The following ATRN variants were observed in gnomAD, a reference collection of about 807,000 sequenced individuals.
ATRN encodes attractin-2.
ATRN carries 54 observed loss-of-function variants against 178.7 expected under a neutral mutation model. The observed-to-expected ratio is 0.30, with a 90% confidence interval of 0.24 to 0.38. The LOEUF is 0.38. Ranked by LOEUF, ATRN falls within the 10% of genes least tolerant of loss-of-function variation. The pLI is 1.00. For synonymous variants in ATRN, 636 were observed against 663.0 expected, an observed-to-expected ratio of 0.96 and a Z score of 0.63; for missense variants, 1,443 against 1,815.1, an observed-to-expected ratio of 0.79 and a Z score of 3.73.
intron 28 of ATRN, among the ~76,000 whole-genome samples, 157 bp downstream of exon 28, chr20:3,644,425 C>T (rs755302612): frequency 4.3e-4 from 66 of 152,250 alleles, no homozygotes; most frequent in Non-Finnish European, 6.9e-4. Flanking sequence ...CCATTTTCAC[C>T]TATATGCCCA....
intron 1 of ATRN, among the ~76,000 whole-genome samples, chr20:3,474,689 A>G (rs1196231995): frequency 1.3e-5 from 2 of 150,944 alleles, no homozygotes; most frequent in Non-Finnish European, 2.9e-5. Context: ...CCTGGGTGAC[A>G]GAGCGAGAGT....
chr20:3,497,996 G>A (rs965145974), intron 1 of ATRN, among the ~76,000 whole-genome samples: 74 of 151,764 alleles, frequency 4.9e-4, no homozygotes, highest in Middle Eastern at 3.4e-3. Context: ...ATCATAAAGG[G>A]GATATCACCA....
At chr20:3,483,829 A>G in intron 1 of ATRN, among the ~76,000 whole-genome samples, 1 of 152,330 alleles carries the variant, frequency 6.6e-6, no homozygotes, top group South Asian at 2.1e-4. Flanking sequence ...AGAGTTGAAG[A>G]GATACAATTT....
chr20:3,587,895 G>A (rs922705837), intron 18 of ATRN, among the ~76,000 whole-genome samples: 1 of 152,168 alleles, frequency 6.6e-6, no homozygotes, highest in Non-Finnish European at 1.5e-5. Context: ...ACCCAGGCTG[G>A]AGCGCAGTGG....
At position 3,560,770 on chromosome 20, in the gene ATRN, G is replaced by A; in HGVS notation, c.1312G>A (p.Ala438Thr). The change falls in exon 8 of 29, where the codon GCA becomes ACA. Residue 438 changes from alanine to threonine, a missense_variant. Physicochemically the swap from Ala to Thr is moderately conservative, Grantham distance 58. Coordinates refer to ENST00000262919, the MANE Select transcript of ATRN (RefSeq NM_139321.3). ...NESWVLLTPKAKEQYAVVGHS... is the reference protein window; with the variant it reads ...NESWVLLTPKTKEQYAVVGHS... The stretch of plus-strand genomic sequence containing the variant: ...GTCATGGGTGTTGTTGACCCCTAAG[G>A]CAAAGGAGCAGTATGCAGTGGTTGG... 1.2e-6 allele frequency: 2 copies of A among 1,614,096 alleles called. No homozygotes were observed. The highest frequency in any genetic ancestry group is 1.7e-6 in the Non-Finnish European group (2 of 1,180,018).
Position 3,646,947 on chromosome 20 carries a change from A to C in ATRN, c.*100A>C, listed in dbSNP as rs1600177370. On this transcript the variant is annotated 3_prime_UTR_variant, in exon 29 of 29. Coordinates refer to ENST00000262919, the MANE Select transcript of ATRN (RefSeq NM_139321.3). ...CGGGGAAATGGCTGTGCGGTGCGGG[A>C]CGGAAGACTGGAAACCCTCAAAGCA... 1.4e-6 allele frequency: 2 copies of C among 1,447,060 alleles called. No homozygotes were observed. Among genetic ancestry groups the C allele is most frequent in the South Asian group, 1.4e-5 (1 of 70,162 alleles). 89.6% of individuals were successfully genotyped at this position (1,447,060 alleles called of 1,614,324 possible). A position where few individuals can be genotyped will look rare whatever the true frequency, so the allele number is the denominator to read the frequency against.
At chr20:3,483,864 GA>G (rs2084656005) in intron 1 of ATRN, among the ~76,000 whole-genome samples, 2 of 152,036 alleles carry the variant, frequency 1.3e-5, no homozygotes, top group South Asian at 4.1e-4. Flanking sequence ...TAGAGCTGCT[GA>G]AAAAATTCCC....
At chr20:3,492,874 C>CGT (rs2084821027) in intron 1 of ATRN, among the ~76,000 whole-genome samples, 1 of 91,160 alleles carries the variant, frequency 1.1e-5, no homozygotes, top group African/African-American at 5.5e-5. Flanking sequence ...CGCGTGCGCA[C>CGT]GCACACACAC....
intron 1 of ATRN, chr20:3,489,716 G>C: frequency 6.3e-7 from 1 of 1,579,362 alleles, no homozygotes; most frequent in Non-Finnish European, 8.7e-7. Flanking sequence ...CAGTGTTTGG[G>C]ATGCCCAAAC....
At position 3,514,216 on chromosome 20, in the gene ATRN, C is replaced by A. The variant is rs559935253; in HGVS notation, c.411-21037C>A. ...ACATTGAAAATTTTAGATGACATGG[C>A]AAATTTCTAGAAAAACCAACTTATA... is the stretch of plus-strand genomic sequence containing the variant. On this transcript the variant is annotated intron_variant, in intron 1 of 28. Coordinates refer to ENST00000262919, the MANE Select transcript of ATRN (RefSeq NM_139321.3). Among the ~76,000 whole-genome samples the A allele has an allele frequency of 1.6e-4, 25 of 152,218 alleles. No individual in the cohort carries two copies. The East Asian group carries it at 2.1e-3, about 13-fold the overall frequency.
chr20:3,604,417 T>C (rs2086652465), intron 24 of ATRN, among the ~76,000 whole-genome samples, 155 bp downstream of exon 24: 1 of 152,258 alleles, frequency 6.6e-6, no homozygotes, highest in African/African-American at 2.4e-5. Flanking sequence ...ACATGCATGC[T>C]GCACAGAAGA....
Position 3,584,676 on chromosome 20 carries a change from A to C in ATRN, c.2980A>C (p.Ser994Arg). The stretch of plus-strand genomic sequence containing the variant: ...AAATTGTTCAGGCTACTGTACCTGT[A>C]GTCATTGCTTGGAGCAACCAGGCTG... ...PENCSGYCTC[S>R]HCLEQPGCGW... is the part of the protein sequence containing the mutation. The change falls in exon 18 of 29, where the codon AGT (serine) becomes CGT (arginine). Residue 994 changes from serine to arginine, a missense_variant. This residue lies in a region of ATRN where 212 missense variants were observed against 330.7 expected (regional missense o/e 0.64). Coordinates refer to ENST00000262919, the MANE Select transcript of ATRN (RefSeq NM_139321.3). The C allele has an allele frequency of 6.2e-7, 1 of 1,614,076 alleles. No homozygotes were observed. Among genetic ancestry groups the C allele is most frequent in the Non-Finnish European group, 8.5e-7 (1 of 1,179,980 alleles).
intron 18 of ATRN, among the ~76,000 whole-genome samples, chr20:3,586,253 A>G (rs1463912496): frequency 6.6e-6 from 1 of 152,236 alleles, no homozygotes; most frequent in African/African-American, 2.4e-5. Context: ...ATTTGGCAAT[A>G]AAAAGGAATG....
chr20:3,588,330 C>T (rs2086387289), intron 18 of ATRN, among the ~76,000 whole-genome samples: 2 of 151,938 alleles, frequency 1.3e-5, no homozygotes, highest in African/African-American at 4.8e-5. Flanking sequence ...TTTTTTTATA[C>T]ATGCCCTTTA....
chr20:3,479,460 A>G (rs1599998577), intron 1 of ATRN, among the ~76,000 whole-genome samples: 2 of 152,214 alleles, frequency 1.3e-5, no homozygotes, highest in East Asian at 3.8e-4. Context: ...GGAAGACATC[A>G]CAGAAGAGAG....
At chr20:3,496,143 C>CT (rs1437141458) in intron 1 of ATRN, among the ~76,000 whole-genome samples, 3 of 151,856 alleles carry the variant, frequency 2.0e-5, no homozygotes. Flanking sequence ...TTTTGTGTCT[C>CT]TATTTCCTTC....
intron 18 of ATRN, among the ~76,000 whole-genome samples, chr20:3,585,887 A>C (rs1440241290): frequency 2.0e-5 from 3 of 152,208 alleles, no homozygotes; most frequent in African/African-American, 7.2e-5. Flanking sequence ...CAAAGCCACA[A>C]TGAGATACCA....
intron 13 of ATRN, 45 bp from the exon 14 acceptor site, chr20:3,576,814 C>G (rs2072082894): frequency 6.2e-7 from 1 of 1,603,712 alleles, no homozygotes; most frequent in South Asian, 1.1e-5. Flanking sequence ...ACCATAAGTT[C>G]TCTCTGTGGA....
chr20:3,497,670 G>A (rs1450528680), intron 1 of ATRN, among the ~76,000 whole-genome samples: 1 of 152,060 alleles, frequency 6.6e-6, no homozygotes, highest in African/African-American at 2.4e-5. Context: ...GAGTATCTTT[G>A]TGGCGTTCTC....
Sources: gnomAD v4.1 joint callset for allele counts (sites outside exome capture counted in the v4.1 genomes callset) on GRCh38, gnomAD v4.1.1 for gene constraint, gnomAD v4.1.1 regional missense constraint, MANE v1.5 for transcripts, NCBI Gene and HGNC (gene_info 2026-07-23, HGNC 2026-07-21) for gene names.